The following TMOD1 variants were observed in gnomAD, a reference collection of about 807,000 sequenced individuals.
The protein encoded by TMOD1 is tropomodulin-1.
In TMOD1, 17 loss-of-function variants were observed where a neutral mutation model predicts 40.6. The ratio of observed to expected loss-of-function variants is 0.42; its 90% CI spans 0.29 to 0.63. The LOEUF is 0.63. Ranked by LOEUF, TMOD1 falls within the 20% of genes least tolerant of loss-of-function variation. The pLI, the probability that TMOD1 is intolerant of heterozygous loss-of-function variation, is 0.22. For missense variants in TMOD1, 391 were observed against 447.6 expected (o/e 0.87, Z 1.14); for synonymous variants, 181 against 175.0 (o/e 1.03, Z -0.27).
At chr9:97,528,005 C>T (rs995426770) in intron 2 of TMOD1, among the ~76,000 whole-genome samples, 1 of 152,182 alleles carries the variant, frequency 6.6e-6, no homozygotes, top group African/African-American at 2.4e-5. Flanking sequence ...GAGGAGGCCT[C>T]GCAGAACCCA....
At chr9:97,590,889 A>G (rs2805793) in intron 8 of TMOD1, among the ~76,000 whole-genome samples, 28,140 of 152,154 alleles carry the variant, frequency 0.18, 2,743 homozygotes, top group African/African-American at 0.23. Context: ...CACAGCCATC[A>G]GAGTCCCACT....
At chr9:97,588,049 G>A (rs1160128080) in intron 8 of TMOD1, among the ~76,000 whole-genome samples, 2 of 152,174 alleles carry the variant, frequency 1.3e-5, no homozygotes, top group Non-Finnish European at 2.9e-5. Flanking sequence ...TCTGAATAAT[G>A]CTGTTATGAG....
Position 97,601,434 on chromosome 9 carries a change from G to C in TMOD1, c.*1736G>C. Reference sequence around the variant, plus strand: ...TCACCGAGCTTATATGAAGCTCCCAGAGAGAACATTTAAAAGCTCAGAGAG... The same window carrying C: ...TCACCGAGCTTATATGAAGCTCCCACAGAGAACATTTAAAAGCTCAGAGAG... On this transcript the variant is annotated 3_prime_UTR_variant, in exon 10 of 10. Coordinates refer to ENST00000259365, the MANE Select transcript of TMOD1 (RefSeq NM_003275.4). 24 of 1,023,742 alleles carry C rather than the reference G, an allele frequency of 2.3e-5. No homozygotes were observed. Among genetic ancestry groups the C allele is most frequent in the Non-Finnish European group, 2.8e-5 (24 of 852,204 alleles). The allele number at this position is 1,023,742 out of a possible 1,614,324, so 63.4% of individuals were successfully genotyped here. A position where few individuals can be genotyped will look rare whatever the true frequency, so the allele number is the denominator to read the frequency against.
intron 2 of TMOD1, among the ~76,000 whole-genome samples, chr9:97,539,971 C>CAAAAAAAAAAAAAAAAAAA (rs34844299): frequency 1.1e-4 from 8 of 71,818 alleles, no homozygotes; most frequent in Non-Finnish European, 1.6e-4. Flanking sequence ...GACTCTGTCT[C>CAAAAAAAAAAAAAAAAAAA]AAAAAAAAAA....
Position 97,599,678 on chromosome 9 carries a change from A to C in TMOD1, c.1060A>C (p.Lys354Gln). 1 of 1,614,110 alleles carries C rather than the reference A, an allele frequency of 6.2e-7. No homozygotes were observed. Among genetic ancestry groups the C allele is most frequent in the Non-Finnish European group, 8.5e-7 (1 of 1,180,002 alleles). ...GGACCTGACTGGGCCCATCATTCCC[A>C]AGTGCCGGAGTGGTGTCTAGTGTGT... ...LADLTGPIIPKCRSGV is the reference protein window; with the variant it reads ...LADLTGPIIPQCRSGV The change falls in exon 10 of 10, where the codon AAG becomes CAG. Residue 354 changes from lysine to glutamine, a missense_variant. Transcript: ENST00000259365.
chr9:97,576,422 C>G (rs1033974033), intron 8 of TMOD1, among the ~76,000 whole-genome samples: 1 of 151,916 alleles, frequency 6.6e-6, no homozygotes, highest in Non-Finnish European at 1.5e-5. Context: ...CTGCTGCACT[C>G]TAGCCTGGGC....
chr9:97,546,461 A>C, intron 3 of TMOD1, 120 bp downstream of exon 3: 1 of 1,085,712 alleles, frequency 9.2e-7, no homozygotes, highest in East Asian at 2.6e-5. Flanking sequence ...CCTTGTCCTC[A>C]TCCCTGCCTG....
At chr9:97,558,290 A>G (rs1175352315) in intron 4 of TMOD1, among the ~76,000 whole-genome samples, 1 of 152,246 alleles carries the variant, frequency 6.6e-6, no homozygotes, top group Admixed American at 6.5e-5. Context: ...TTAGAACTTT[A>G]GAACTGCTAG....
intron 8 of TMOD1, among the ~76,000 whole-genome samples, chr9:97,574,168 G>A (rs1193796581): frequency 6.6e-6 from 1 of 152,158 alleles, no homozygotes; most frequent in Admixed American, 6.5e-5. Context: ...GCCCCTTTCT[G>A]GGCTGGGCAA....
Position 97,600,300 on chromosome 9 carries a change from T to C in TMOD1, c.*602T>C, listed in dbSNP as rs41274250. The C allele has an allele frequency of 0.027, 26,249 of 986,204 alleles. 355 individuals carry two copies. The highest frequency in any genetic ancestry group is 0.029 in the Non-Finnish European group (23,917 of 830,228). The allele number at this position is 986,204 out of a possible 1,614,324, so 61.1% of individuals were successfully genotyped here. On this transcript the variant is annotated 3_prime_UTR_variant, in exon 10 of 10. Transcript: ENST00000259365. ...GGAGTCAACATGAGATTCCTTTTGC[T>C]GGATATGCAGAAATGATAGGAAAAA... is the stretch of plus-strand genomic sequence containing the variant.
chr9:97,546,126 C>A (rs1273197500), intron 2 of TMOD1, 59 bp from the exon 3 acceptor site: 10 of 1,536,432 alleles, frequency 6.5e-6, no homozygotes, highest in Non-Finnish European at 8.7e-6. Context: ...CAGCTGACCA[C>A]TCTCTCTTTC....
At chr9:97,591,460 CT>C (rs774027456) in intron 9 of TMOD1, 25 bp downstream of exon 9, 1 of 1,610,492 alleles carries the variant, frequency 6.2e-7, no homozygotes, top group South Asian at 1.1e-5. Flanking sequence ...GCTTCCTGCC[CT>C]GCCCGCAGTC....
At chr9:97,591,253 G>T (rs1825993432) in intron 8 of TMOD1, 38 bp from the exon 9 acceptor site, 3 of 1,554,330 alleles carry the variant, frequency 1.9e-6, no homozygotes, top group African/African-American at 2.7e-5. Context: ...AATGAGTGGT[G>T]ATTTTATTTT....
rs759320090 is a variant in TMOD1, at chr9:97,591,283, G to A, written c.871-8G>A. The A allele has an allele frequency of 3.8e-5, 61 of 1,607,276 alleles. No individual in the cohort carries two copies. Among genetic ancestry groups the A allele is most frequent in the Non-Finnish European group, 4.7e-5 (55 of 1,177,546 alleles). ...TATTTTTTATTTTTTATTTTTTCTT[G>A]ACTAAAGAGCCAGCCCCTGGGCAAC... On this transcript the variant is annotated splice_polypyrimidine_tract_variant and splice_region_variant and intron_variant, in intron 8 of 9. Transcript: ENST00000259365.
intron 2 of TMOD1, among the ~76,000 whole-genome samples, chr9:97,539,666 A>C (rs899266790): frequency 6.6e-6 from 1 of 152,320 alleles, no homozygotes; most frequent in East Asian, 1.9e-4. Context: ...ACAATCATCC[A>C]CTTAAAGTGC....
chr9:97,599,553 T>G, intron 9 of TMOD1, 81 bp from the exon 10 acceptor site: 2 of 1,581,724 alleles, frequency 1.3e-6, no homozygotes, highest in Non-Finnish European at 1.7e-6. Context: ...GTGCGAGGTT[T>G]CACAGTGCTT....
chr9:97,581,712 T>C (rs927145991), intron 8 of TMOD1, among the ~76,000 whole-genome samples: 4 of 151,862 alleles, frequency 2.6e-5, no homozygotes, highest in Admixed American at 1.3e-4. Context: ...TGGTATCTCA[T>C]TGTGGTTTTG....
At chr9:97,595,894 G>A (rs191956805) in intron 9 of TMOD1, among the ~76,000 whole-genome samples, 76 of 151,968 alleles carry the variant, frequency 5.0e-4, no homozygotes, top group African/African-American at 1.8e-3. Context: ...CCAACATGGT[G>A]AAACCCTGTC....
intron 1 of TMOD1, among the ~76,000 whole-genome samples, chr9:97,507,360 C>A (rs765787574): frequency 3.4e-4 from 52 of 152,190 alleles, no homozygotes; most frequent in Admixed American, 2.6e-4. Context: ...GAATGGATAG[C>A]AACATTGCAC....
Sources: gnomAD v4.1 joint callset for allele counts (sites outside exome capture counted in the v4.1 genomes callset) on GRCh38, gnomAD v4.1.1 for gene constraint, MANE v1.5 for transcripts, NCBI Gene and HGNC (gene_info 2026-07-23, HGNC 2026-07-21) for gene names.